The following CSMD3 variants were observed in gnomAD, a reference collection of about 807,000 sequenced individuals.
The protein encoded by CSMD3 is CUB and sushi domain-containing protein 3.
CSMD3 carries 177 observed loss-of-function variants against 435.2 expected under a neutral mutation model. The ratio of observed to expected loss-of-function variants is 0.41; its 90% CI spans 0.36 to 0.46. The LOEUF (loss-of-function observed/expected upper bound fraction) is 0.46. Ranked by LOEUF, CSMD3 falls within the 20% of genes least tolerant of loss-of-function variation. CSMD3 has a pLI of 0.34. For synonymous variants in CSMD3, 1,656 were observed against 1,520.5 expected (o/e 1.09, Z -2.07); for missense variants, 4,265 against 4,504.6 (o/e 0.95, Z 1.52).
intron 13 of CSMD3, among the ~76,000 whole-genome samples, chr8:112,710,656 T>A (rs2076590832): frequency 6.6e-6 from 1 of 151,736 alleles, no homozygotes; most frequent in African/African-American, 2.4e-5. Context: ...AAAGATGTAG[T>A]GGCCCAAGTG....
At chr8:112,973,601 C>G (rs1029707992) in intron 7 of CSMD3, among the ~76,000 whole-genome samples, 3 of 151,818 alleles carry the variant, frequency 2.0e-5, no homozygotes, top group Non-Finnish European at 4.4e-5. Flanking sequence ...CAGCCATTTC[C>G]AGTTTAGAAA....
At chr8:112,956,085 G>T (rs1161431109) in intron 7 of CSMD3, among the ~76,000 whole-genome samples, 1 of 151,888 alleles carries the variant, frequency 6.6e-6, no homozygotes, top group Non-Finnish European at 1.5e-5. Context: ...GAATATTATC[G>T]TTGGAGCAGG....
At chr8:112,433,946 T>C (rs941242134) in intron 32 of CSMD3, among the ~76,000 whole-genome samples, 1 of 152,126 alleles carries the variant, frequency 6.6e-6, no homozygotes, top group Non-Finnish European at 1.5e-5. Flanking sequence ...TCCATTAGTG[T>C]GTGCATATGG....
At chr8:113,102,585 G>A (rs1452492198) in intron 4 of CSMD3, among the ~76,000 whole-genome samples, 1 of 152,134 alleles carries the variant, frequency 6.6e-6, no homozygotes. Flanking sequence ...TTGGGACCTT[G>A]AACTAGTTAT....
At chr8:113,357,697 G>A (rs755526011) in intron 1 of CSMD3, among the ~76,000 whole-genome samples, 11 of 152,124 alleles carry the variant, frequency 7.2e-5, no homozygotes, top group Non-Finnish European at 1.5e-4. Context: ...ACAATTGGGG[G>A]AGGGACCTAG....
intron 27 of CSMD3, among the ~76,000 whole-genome samples, chr8:112,529,529 C>T (rs969388022): frequency 2.6e-5 from 4 of 151,940 alleles, no homozygotes; most frequent in African/African-American, 7.3e-5. Context: ...TTCAGACTGC[C>T]GTGAGCTGTA....
chr8:112,764,261 A>AAAT (rs2077919668), intron 13 of CSMD3, among the ~76,000 whole-genome samples: 2 of 151,622 alleles, frequency 1.3e-5, no homozygotes, highest in Admixed American at 1.3e-4. Context: ...CAGCATTTTC[A>AAAT]TTTTAAGCAA....
At chr8:112,623,230 C>T (rs1202521629) in intron 22 of CSMD3, among the ~76,000 whole-genome samples, 3 of 152,108 alleles carry the variant, frequency 2.0e-5, no homozygotes, top group South Asian at 4.1e-4. Context: ...AAAAAAGCCA[C>T]TTAAGCCCAA....
At chr8:113,365,555 T>G (rs1563749553) in intron 1 of CSMD3, among the ~76,000 whole-genome samples, 1 of 152,062 alleles carries the variant, frequency 6.6e-6, no homozygotes, top group Non-Finnish European at 1.5e-5. Flanking sequence ...AATGATGTCT[T>G]ATGTTGTATT....
At chr8:113,255,128 T>C (rs967541574) in intron 3 of CSMD3, among the ~76,000 whole-genome samples, 1 of 152,134 alleles carries the variant, frequency 6.6e-6, no homozygotes, top group African/African-American at 2.4e-5. Flanking sequence ...AGAGACATGA[T>C]ATAGTTTTTA....
At chr8:113,126,426 A>G (rs1361867712) in intron 4 of CSMD3, among the ~76,000 whole-genome samples, 3 of 152,024 alleles carry the variant, frequency 2.0e-5, no homozygotes, top group Admixed American at 2.0e-4. Context: ...ATATTGATGT[A>G]TATAGTTGAA....
At chr8:112,694,295 G>A (rs1351230059) in intron 13 of CSMD3, among the ~76,000 whole-genome samples, 1 of 151,908 alleles carries the variant, frequency 6.6e-6, no homozygotes, top group Non-Finnish European at 1.5e-5. Flanking sequence ...AGTAGTTTAG[G>A]GGAGAACAAA....
rs200459380 is a variant in CSMD3 at position 112,596,855 on chromosome 8, G to A, written c.3716-9620C>T. ...CACAATATACCAGAATCTCTGGGAC[G>A]CATTCAAAGCAGTGTGTAGAGGGAA... On this transcript the variant is annotated intron_variant, in intron 22 of 70. Coordinates refer to ENST00000297405, the MANE Select transcript of CSMD3 (RefSeq NM_198123.2). Among the ~76,000 whole-genome samples the A allele has an allele frequency of 3.7e-3, 560 of 151,912 alleles. 2 individuals carry two copies. Among genetic ancestry groups the A allele is most frequent in the Non-Finnish European group, 6.4e-3 (436 of 67,942 alleles).
chr8:112,634,080 A>G (rs1050727780), intron 22 of CSMD3, among the ~76,000 whole-genome samples: 3 of 152,058 alleles, frequency 2.0e-5, no homozygotes, highest in Non-Finnish European at 4.4e-5. Flanking sequence ...TTAAACAAGT[A>G]TGAAATAGAG....
At chr8:112,507,256 C>T (rs144947034) in intron 28 of CSMD3, among the ~76,000 whole-genome samples, 4,096 of 152,180 alleles carry the variant, frequency 0.027, 82 homozygotes, top group Non-Finnish European at 0.042. Context: ...TCATGTCTCT[C>T]CTGGCACCTT....
At chr8:113,163,486 TTTG>T (rs1346647608) in intron 4 of CSMD3, among the ~76,000 whole-genome samples, 1 of 150,412 alleles carries the variant, frequency 6.6e-6, no homozygotes, top group Non-Finnish European at 1.5e-5. Flanking sequence ...TATAAATTTT[TTTG>T]TTAACTAAAT....
intron 5 of CSMD3, among the ~76,000 whole-genome samples, chr8:113,077,743 A>G (rs1183223042): frequency 5.3e-5 from 8 of 152,102 alleles, no homozygotes; most frequent in Non-Finnish European, 1.0e-4. Flanking sequence ...TACACTTCCA[A>G]TTGAAGGAAG....
chr8:112,829,858 T>C (rs2079812627), intron 11 of CSMD3, 69 bp from the exon 12 acceptor site: 1 of 780,532 alleles, frequency 1.3e-6, no homozygotes, highest in African/African-American at 1.8e-5. Flanking sequence ...AAAAAAGCAA[T>C]GACAGAAATG....
At chr8:113,427,438 A>C (rs935786139) in intron 1 of CSMD3, among the ~76,000 whole-genome samples, 2 of 150,942 alleles carry the variant, frequency 1.3e-5, no homozygotes, top group African/African-American at 4.8e-5. Context: ...GGGTAGGCAC[A>C]GTGGTCTCTC....
Sources: allele counts gnomAD v4.1 joint callset (sites outside exome capture counted in the v4.1 genomes callset), GRCh38; gene constraint gnomAD v4.1.1; transcripts MANE v1.5; gene names NCBI Gene and HGNC (gene_info 2026-07-23, HGNC 2026-07-21).